The following LRRC7 variants were observed in gnomAD, a reference collection of about 807,000 sequenced individuals.
The protein encoded by LRRC7 is leucine rich repeat containing 7.
A neutral mutation model predicts 175.7 loss-of-function variants in LRRC7; 23 were observed. That is an observed-to-expected ratio of 0.13 (90% CI 0.09 to 0.19). LRRC7 has a LOEUF of 0.19. Among genes scored for constraint, LRRC7 ranks in the 10% least tolerant of loss-of-function variants. The pLI is 1.00. For synonymous variants in LRRC7, 685 were observed against 680.9 expected (o/e 1.01, Z -0.09); for missense variants, 1,354 against 1,904.7 (o/e 0.71, Z 5.38).
At chr1:70,095,430 T>C (rs1197776003) in intron 25 of LRRC7, among the ~76,000 whole-genome samples, 2 of 152,150 alleles carry the variant, frequency 1.3e-5, no homozygotes, top group Non-Finnish European at 2.9e-5. Flanking sequence ...TAATAAAAAA[T>C]AAATTTTCAC....
Position 70,015,939 on chromosome 1 carries a change from A to G in LRRC7, c.1251-526A>G, listed in dbSNP as rs143877656. 5.3e-5 allele frequency among the ~76,000 whole-genome samples: 8 copies of G among 152,318 alleles called. No homozygotes were observed. In the East Asian group the frequency reaches 1.5e-3, roughly 29 times the overall value. On this transcript the variant is annotated intron_variant, in intron 13 of 26. Transcript: ENST00000651989. ...GATAGCAAAGAGTAAGCAAATTATC[A>G]CAAAAATAAATGTATAATTTAAAAC...
intron 25 of LRRC7, among the ~76,000 whole-genome samples, chr1:70,102,377 A>T (rs917001685): frequency 6.6e-6 from 1 of 152,182 alleles, no homozygotes; most frequent in Non-Finnish European, 1.5e-5. Flanking sequence ...AATTCAGAGG[A>T]AAGATGGCAA....
At chr1:69,586,698 C>T (rs975848215) in intron 1 of LRRC7, among the ~76,000 whole-genome samples, 1 of 152,028 alleles carries the variant, frequency 6.6e-6, no homozygotes, top group African/African-American at 2.4e-5. Flanking sequence ...ACATCAGTGT[C>T]GATTTTGAAA....
intron 20 of LRRC7, 117 bp from the exon 21 acceptor site, chr1:70,037,996 G>C: frequency 7.9e-7 from 1 of 1,273,044 alleles, no homozygotes; most frequent in South Asian, 1.5e-5. Context: ...CATAAGTCAG[G>C]TGAGGATTAT....
In LRRC7 at chr1:70,122,304, C is replaced by T. The variant is rs919090435; in HGVS notation, c.*417C>T. The T allele has an allele frequency of 2.0e-5, 3 of 153,006 alleles. No individual in the cohort carries two copies. Among genetic ancestry groups the T allele is most frequent in the African/African-American group, 7.3e-5 (3 of 41,310 alleles). 9.5% of individuals were successfully genotyped at this position (153,006 alleles called of 1,614,324 possible). ...ATACAAATATAAAGAATTGTAATTC[C>T]CATAAAATATTTCTAGCACAAGGTA... On this transcript the variant is annotated 3_prime_UTR_variant, in exon 27 of 27. Coordinates refer to ENST00000651989, the MANE Select transcript of LRRC7 (RefSeq NM_001370785.2).
chr1:69,606,557 CAAAT>C (rs1045820263), intron 1 of LRRC7, among the ~76,000 whole-genome samples: 2 of 151,954 alleles, frequency 1.3e-5, no homozygotes, highest in African/African-American at 4.8e-5. Flanking sequence ...TATACTAAAA[CAAAT>C]AGTTTTAAAT....
intron 22 of LRRC7, among the ~76,000 whole-genome samples, chr1:70,047,302 TGAAG>T (rs1660403345): frequency 6.6e-6 from 1 of 152,098 alleles, no homozygotes; most frequent in Admixed American, 6.6e-5. Context: ...CTAGAAAGAA[TGAAG>T]GAAGTTTCCT....
At chr1:69,867,016 C>T (rs1685020740) in intron 7 of LRRC7, among the ~76,000 whole-genome samples, 1 of 152,028 alleles carries the variant, frequency 6.6e-6, no homozygotes, top group Non-Finnish European at 1.5e-5. Flanking sequence ...AATAAACTAG[C>T]AAAGTCTCTA....
chr1:69,786,534 G>A (rs747513656), intron 3 of LRRC7, among the ~76,000 whole-genome samples: 1 of 151,806 alleles, frequency 6.6e-6, no homozygotes, highest in Non-Finnish European at 1.5e-5. Context: ...CCCATGACTG[G>A]GCAATTTACA....
At chr1:69,763,761 C>A (rs1486442789) in intron 3 of LRRC7, among the ~76,000 whole-genome samples, 3 of 151,940 alleles carry the variant, frequency 2.0e-5, no homozygotes, top group African/African-American at 7.2e-5. Context: ...GGATTTAAAT[C>A]TTTAAAGTTA....
At chr1:69,778,329 T>C (rs1159686580) in intron 3 of LRRC7, among the ~76,000 whole-genome samples, 1 of 152,240 alleles carries the variant, frequency 6.6e-6, no homozygotes, top group Non-Finnish European at 1.5e-5. Flanking sequence ...AGAAAGACAC[T>C]AATGTGTGTC....
intron 7 of LRRC7, among the ~76,000 whole-genome samples, chr1:69,881,173 C>T (rs1686564018): frequency 6.6e-6 from 1 of 152,206 alleles, no homozygotes; most frequent in Non-Finnish European, 1.5e-5. Context: ...TATAGCTCCA[C>T]TGGATAGAAA....
At chr1:69,971,975 T>C (rs566478795) in intron 8 of LRRC7, among the ~76,000 whole-genome samples, 40 of 152,162 alleles carry the variant, frequency 2.6e-4, no homozygotes, top group Non-Finnish European at 4.9e-4. Flanking sequence ...CCCTCATACT[T>C]ACAGCCAACT....
chr1:69,580,045 T>G (rs1367097187), intron 1 of LRRC7, among the ~76,000 whole-genome samples: 1 of 152,092 alleles, frequency 6.6e-6, no homozygotes, highest in Non-Finnish European at 1.5e-5. Flanking sequence ...GAACAATCAC[T>G]CTAAATGCAG....
intron 4 of LRRC7, among the ~76,000 whole-genome samples, chr1:69,795,033 C>G (rs1333501402): frequency 6.6e-6 from 1 of 152,288 alleles, no homozygotes; most frequent in East Asian, 1.9e-4. Flanking sequence ...ATTGCTAGAA[C>G]TTACACAAAC....
intron 5 of LRRC7, among the ~76,000 whole-genome samples, chr1:69,827,212 G>C (rs985231273): frequency 1.3e-5 from 2 of 152,078 alleles, no homozygotes; most frequent in African/African-American, 4.8e-5. Context: ...TCCTTGACTT[G>C]AGTCAAAACA....
chr1:69,626,016 A>G (rs1360376434), intron 1 of LRRC7, among the ~76,000 whole-genome samples: 2 of 6,686 alleles, frequency 3.0e-4, no homozygotes, highest in Non-Finnish European at 2.2e-3. Flanking sequence ...TTCAATGAAA[A>G]TTTCTCACTA....
intron 8 of LRRC7, among the ~76,000 whole-genome samples, chr1:69,964,162 G>C (rs12032804): frequency 1.3e-5 from 2 of 152,018 alleles, no homozygotes; most frequent in Admixed American, 1.3e-4. Flanking sequence ...GGGCACATTC[G>C]TTTGGTTTTT....
intron 23 of LRRC7, among the ~76,000 whole-genome samples, chr1:70,073,815 CTCAG>C (rs768472085): frequency 1.3e-5 from 2 of 152,308 alleles, no homozygotes; most frequent in Admixed American, 6.5e-5. Context: ...GCCAGTCACC[CTCAG>C]TCAGATAGTT....
Sources: gnomAD v4.1 joint callset for allele counts (sites outside exome capture counted in the v4.1 genomes callset) on GRCh38, gnomAD v4.1.1 for gene constraint, MANE v1.5 for transcripts, NCBI Gene and HGNC (gene_info 2026-07-23, HGNC 2026-07-21) for gene names.